Variants in CHODL observed in about 807,000 individuals in gnomAD.
CHODL encodes the protein chondrolectin.
In CHODL, 29 loss-of-function variants were observed where a neutral mutation model predicts 34.5. The ratio of observed to expected loss-of-function variants is 0.84; its 90% CI spans 0.63 to 1.15. The LOEUF (loss-of-function observed/expected upper bound fraction) is 1.15, where lower values mean the gene tolerates loss of function less well. Among genes scored for constraint, CHODL ranks in the 50% most tolerant of loss-of-function variants. CHODL has a pLI of 0.00. For missense variants in CHODL, 332 were observed against 332.5 expected (o/e 1.00, Z 0.01); for synonymous variants, 125 against 116.1 (o/e 1.08, Z -0.49).
rs144256105 is a variant in CHODL at position 17,996,217 on chromosome 21, C to A, written c.-144-31655C>A. On this transcript the variant is annotated intron_variant, in intron 1 of 6. Coordinates refer to the CHODL transcript ENST00000400127. ...TTATTCTTTTTGATAAGATCAAATA[C>A]CTCCTGTTGGTAAATTGAAGTTTCA... 5.5e-3 allele frequency among the ~76,000 whole-genome samples: 841 copies of A among 152,136 alleles called. 8 individuals are homozygous for A. The highest frequency in any genetic ancestry group is 0.013 in the African/African-American group (553 of 41,492).
At chr21:18,188,880 A>G (rs2073477064) in intron 2 of CHODL, among the ~76,000 whole-genome samples, 1 of 152,236 alleles carries the variant, frequency 6.6e-6, no homozygotes, top group Non-Finnish European at 1.5e-5. Flanking sequence ...AGTAATGAGG[A>G]TTACATAATT....
chr21:18,240,066 T>C (rs1273027014), upstream of CHODL, among the ~76,000 whole-genome samples: 2 of 152,048 alleles, frequency 1.3e-5, no homozygotes, highest in Non-Finnish European at 2.9e-5. Context: ...TCCAACTTCT[T>C]TGAGTATGAA....
At chr21:17,980,689 G>T (rs1054835278) in intron 1 of CHODL, among the ~76,000 whole-genome samples, 6 of 152,116 alleles carry the variant, frequency 3.9e-5, no homozygotes, top group South Asian at 2.1e-4. Context: ...GACATTCTTT[G>T]TATGACTGGT....
At chr21:18,160,076 A>G (rs2073078069) in intron 2 of CHODL, among the ~76,000 whole-genome samples, 1 of 152,260 alleles carries the variant, frequency 6.6e-6, no homozygotes, top group African/African-American at 2.4e-5. Flanking sequence ...TAGTAGCAAC[A>G]GTAAACTCAT....
intron 2 of CHODL, among the ~76,000 whole-genome samples, chr21:18,194,587 G>T (rs963405858): frequency 6.9e-6 from 1 of 144,932 alleles, no homozygotes; most frequent in Admixed American, 7.1e-5. Flanking sequence ...ATTTAAATTA[G>T]TCACTGAGTT....
At chr21:18,050,524 T>C (rs2064500614) in intron 2 of CHODL, among the ~76,000 whole-genome samples, 1 of 151,938 alleles carries the variant, frequency 6.6e-6, no homozygotes, top group Non-Finnish European at 1.5e-5. Context: ...GTGGTAGCAG[T>C]ACAGATGAGT....
chr21:17,947,694 G>A (rs2063422802), intron 1 of CHODL, among the ~76,000 whole-genome samples: 1 of 151,998 alleles, frequency 6.6e-6, no homozygotes, highest in Admixed American at 6.6e-5. Flanking sequence ...GGGAAAAAGA[G>A]AAAGTTTATA....
At chr21:18,119,261 G>A (rs1316024810) in intron 2 of CHODL, among the ~76,000 whole-genome samples, 1 of 151,558 alleles carries the variant, frequency 6.6e-6, no homozygotes, top group Non-Finnish European at 1.5e-5. Context: ...GTCATCCGCT[G>A]ATCTAGTATC....
chr21:17,974,472 A>G (rs981323853), intron 1 of CHODL, among the ~76,000 whole-genome samples: 3 of 151,940 alleles, frequency 2.0e-5, no homozygotes, highest in Non-Finnish European at 4.4e-5. Flanking sequence ...GGGTTTCACT[A>G]TGTTGGCCAG....
rs147280660 is a variant in CHODL, at chr21:18,136,719, C to CATATATAT, written c.-45+108775_-45+108782dup. ...TCTCAATGAAGAAGGTAAATCAAAG[C>CATATATAT]ATATATATATATATATATATATATA... On this transcript the variant is annotated intron_variant, in intron 2 of 6. Coordinates refer to the CHODL transcript ENST00000400127. Among the ~76,000 whole-genome samples the CATATATAT allele has an allele frequency of 7.2e-3, 850 of 118,646 alleles. 5 individuals are homozygous for CATATATAT. The highest frequency in any genetic ancestry group is 0.011 in the Non-Finnish European group (605 of 53,930). The allele number at this position is 118,646 out of a possible 152,430, so 77.8% of individuals were successfully genotyped here.
intron 1 of CHODL, among the ~76,000 whole-genome samples, chr21:17,961,110 A>G (rs930070048): frequency 6.6e-6 from 1 of 152,208 alleles, no homozygotes; most frequent in Non-Finnish European, 1.5e-5. Context: ...TAGGTGTTCT[A>G]TAAATGCTTA....
intron 1 of CHODL, among the ~76,000 whole-genome samples, chr21:17,996,383 C>T (rs536598717): frequency 1.3e-5 from 2 of 152,328 alleles, no homozygotes; most frequent in African/African-American, 4.8e-5. Flanking sequence ...CATGCTGTAT[C>T]CTTGCCTCTG....
At chr21:17,973,561 C>T (rs1270215742) in intron 1 of CHODL, among the ~76,000 whole-genome samples, 3 of 151,046 alleles carry the variant, frequency 2.0e-5, no homozygotes, top group East Asian at 1.9e-4. Flanking sequence ...GGACTACAGG[C>T]GCCCACCACC....
intron 2 of CHODL, among the ~76,000 whole-genome samples, chr21:18,053,959 C>T (rs1329429765): frequency 6.6e-6 from 1 of 151,508 alleles, no homozygotes; most frequent in African/African-American, 2.4e-5. Flanking sequence ...CATATAAAAT[C>T]ACATATATCA....
At chr21:18,249,864 G>C (rs1034094583) in intron 1 of CHODL, among the ~76,000 whole-genome samples, 2 of 152,150 alleles carry the variant, frequency 1.3e-5, no homozygotes, top group African/African-American at 4.8e-5. Flanking sequence ...ATTGTGCACT[G>C]TGTCGAGGTA....
chr21:18,124,610 C>T (rs1007076341), intron 2 of CHODL, among the ~76,000 whole-genome samples: 2 of 152,098 alleles, frequency 1.3e-5, no homozygotes, highest in Admixed American at 6.5e-5. Flanking sequence ...AAAAAATTTT[C>T]GTGGTGAGAA....
intron 2 of CHODL, among the ~76,000 whole-genome samples, chr21:18,041,217 C>A (rs940673031): frequency 1.3e-5 from 2 of 151,786 alleles, no homozygotes; most frequent in South Asian, 2.1e-4. Flanking sequence ...CACAAGGTGG[C>A]GTTATCCACA....
At chr21:18,042,541 A>G (rs2064389118) in intron 2 of CHODL, among the ~76,000 whole-genome samples, 1 of 152,054 alleles carries the variant, frequency 6.6e-6, no homozygotes, top group African/African-American at 2.4e-5. Context: ...CTTGTCACCC[A>G]GCCAGTGTGA....
At chr21:18,172,035 T>C (rs1371900084) in intron 2 of CHODL, among the ~76,000 whole-genome samples, 1 of 152,216 alleles carries the variant, frequency 6.6e-6, no homozygotes, top group Non-Finnish European at 1.5e-5. Context: ...ATAGGGACTT[T>C]CCATGTCTTT....
Sources: allele counts gnomAD v4.1 joint callset (sites outside exome capture counted in the v4.1 genomes callset), GRCh38; gene constraint gnomAD v4.1.1; transcripts MANE v1.5; gene names NCBI Gene and HGNC (gene_info 2026-07-23, HGNC 2026-07-21).